The following KCNQ1 variants were observed in gnomAD, a reference collection of about 807,000 sequenced individuals.
KCNQ1 encodes the protein potassium voltage-gated channel subfamily KQT member 1.
A neutral mutation model predicts 72.4 loss-of-function variants in KCNQ1; 49 were observed. The ratio of observed to expected loss-of-function variants is 0.68; its 90% confidence interval spans 0.54 to 0.86. The LOEUF (loss-of-function observed/expected upper bound fraction) is 0.86. Ranked by LOEUF, KCNQ1 falls within the 40% of genes least tolerant of loss-of-function variation. KCNQ1 has a pLI of 0.00. For missense variants in KCNQ1, 790 were observed against 945.1 expected, an observed-to-expected ratio of 0.84 and a Z score of 2.15; for synonymous variants, 450 against 412.6, an observed-to-expected ratio of 1.09 and a Z score of -1.10.
Position 2,668,606 on chromosome 11 carries a change from C to CTGTTTTATGTTT in KCNQ1, c.1514+6526_1514+6527insGTTTTATGTTTT. ...AGATACATCATTCTGTATAAATTGC[C>CTGTTTTATGTTT]TACATCTTCTGCCTGTTTTATGTTT... On this transcript the variant is annotated intron_variant, in intron 11 of 15. Coordinates refer to ENST00000155840, the MANE Select transcript of KCNQ1 (RefSeq NM_000218.3). This position sits in a 1 kb window ranked among gnomAD's most constrained non-coding sequence, Gnocchi z 4.3. 1 of 398,578 alleles carries CTGTTTTATGTTT rather than the reference C, an allele frequency of 2.5e-6. No individual in the cohort carries two copies. Among genetic ancestry groups the CTGTTTTATGTTT allele is most frequent in the Non-Finnish European group, 4.4e-6 (1 of 226,074 alleles). The allele number at this position is 398,578 out of a possible 1,614,324, so 24.7% of individuals were successfully genotyped here. A position where few individuals can be genotyped will look rare whatever the true frequency, so the allele number is the denominator to read the frequency against.
In KCNQ1 at chr11:2,445,168, CG is replaced by C; in HGVS notation, c.72del (p.Arg25GlyfsTer61). On this transcript the variant is annotated frameshift_variant, in exon 1 of 16. Coordinates refer to ENST00000155840, the MANE Select transcript of KCNQ1 (RefSeq NM_000218.3). LOFTEE classifies it high-confidence loss of function. ...RWGWGRLPGA[R>X]RGSAGLAKKC... ...GGGTTGGGGCCGCCTGCCAGGCGCCCGGCGGGGCAGCGCGGGCCTGGCCAAG... is the reference window on the plus strand; with the variant it reads ...GGGTTGGGGCCGCCTGCCAGGCGCCCGCGGGGCAGCGCGGGCCTGGCCAAG... 8.8e-7 allele frequency: 1 copy of C among 1,135,802 alleles called. No individual in the cohort carries two copies. The highest frequency in any genetic ancestry group is 1.1e-6 in the Non-Finnish European group (1 of 923,422). 70.4% of individuals were successfully genotyped at this position (1,135,802 alleles called of 1,614,324 possible).
In KCNQ1 at chr11:2,674,702, G is replaced by C. The variant is rs1850260153; in HGVS notation, c.1514+12621G>C. ...GTTTGTTGAACCTTAAACCTTTCCT[G>C]ATGACTCCTTCCTTCTGAACTTAAC... is the stretch of plus-strand genomic sequence containing the variant. On this transcript the variant is annotated intron_variant, in intron 11 of 15. Coordinates refer to ENST00000155840, the MANE Select transcript of KCNQ1 (RefSeq NM_000218.3). This position sits in a 1 kb window ranked among gnomAD's most constrained non-coding sequence, Gnocchi z 5.9. 2.5e-6 allele frequency: 1 copy of C among 398,328 alleles called. No individual in the cohort carries two copies. The highest frequency in any genetic ancestry group is 2.1e-5 in the African/African-American group (1 of 48,560). 24.7% of individuals were successfully genotyped at this position (398,328 alleles called of 1,614,324 possible). A position where few individuals can be genotyped will look rare whatever the true frequency, so the allele number is the denominator to read the frequency against.
intron 1 of KCNQ1, among the ~76,000 whole-genome samples, chr11:2,469,058 G>C (rs866570647): frequency 5.3e-5 from 8 of 152,134 alleles, no homozygotes; most frequent in Non-Finnish European, 5.9e-5. Context: ...TAGTTCCTCT[G>C]TCTCCTTGTC....
At position 2,816,583 on chromosome 11, in the gene KCNQ1, C is replaced by A. The variant is rs1847618068; in HGVS notation, c.1795-31184C>A. ...CAGCCACCCTGTGGTGAAGCCACAC[C>A]ACATATGATGAGGGGCTGGAGGCAG... On this transcript the variant is annotated intron_variant, in intron 15 of 15. Coordinates refer to ENST00000155840, the MANE Select transcript of KCNQ1 (RefSeq NM_000218.3). This position sits in a 1 kb window ranked among gnomAD's most constrained non-coding sequence, Gnocchi z 6.8. Among the ~76,000 whole-genome samples, 1 of 152,140 alleles carries A rather than the reference C, an allele frequency of 6.6e-6. No individual in the cohort carries two copies. The highest frequency in any genetic ancestry group is 2.4e-5 in the African/African-American group (1 of 41,434).
chr11:2,776,146 G>A, intron 13 of KCNQ1, 92 bp downstream of exon 13: 1 of 1,115,226 alleles, frequency 9.0e-7, no homozygotes, highest in Non-Finnish European at 1.3e-6. Flanking sequence ...GGAGGGAGGG[G>A]CTGAGACCCT....
chr11:2,782,340 C>T lies in KCNQ1; in HGVS notation c.1794+4303C>T, dbSNP rs1433089207. Among the ~76,000 whole-genome samples the T allele has an allele frequency of 6.6e-6, 1 of 152,196 alleles. No homozygotes were observed. Among genetic ancestry groups the T allele is most frequent in the Admixed American group, 6.5e-5 (1 of 15,290 alleles). ...TTAAACACTGCTGAAATCTCACTTA[C>T]TAATATTTAATATATCAGAATTTTT... On this transcript the variant is annotated intron_variant, in intron 15 of 15. Transcript: ENST00000155840. This position sits in a 1 kb window ranked among gnomAD's most constrained non-coding sequence, Gnocchi z 6.1.
In KCNQ1 at chr11:2,587,600, C is replaced by A. The variant is rs1235054708; in HGVS notation, c.1159C>A (p.Pro387Thr). Reference sequence around the variant, plus strand: ...ATGGAGGTGCTATGCTGCCGAGAACCCCGACTCCTCCACCTGGAAGATCTA... The same window carrying A: ...ATGGAGGTGCTATGCTGCCGAGAACACCGACTCCTCCACCTGGAAGATCTA... ...TAWRCYAAENPDSSTWKIYIR... is the reference protein window; with the variant it reads ...TAWRCYAAENTDSSTWKIYIR... The change falls in exon 9 of 16, where the codon CCC (proline) becomes ACC (threonine). Residue 387 changes from proline (P) to threonine (T), a missense_variant. Physicochemically the swap from Pro to Thr is conservative, Grantham distance 38. Around this residue, in one of 5 missense-constraint regions of KCNQ1, gnomAD observed 178 missense variants for 177.9 expected, o/e 1.00. Transcript: ENST00000155840. The A allele has an allele frequency of 6.2e-7, 1 of 1,613,888 alleles. No homozygotes were observed. The highest frequency in any genetic ancestry group is 1.7e-5 in the Admixed American group (1 of 60,016).
intron 15 of KCNQ1, among the ~76,000 whole-genome samples, chr11:2,847,000 C>T (rs1282625869): frequency 6.6e-6 from 1 of 152,242 alleles, no homozygotes; most frequent in Non-Finnish European, 1.5e-5. Flanking sequence ...GGGCACTGCT[C>T]TGACCACAGA....
Position 2,815,019 on chromosome 11 carries a change from G to A in KCNQ1, c.1795-32748G>A, listed in dbSNP as rs760698641. On this transcript the variant is annotated intron_variant, in intron 15 of 15. Transcript: ENST00000155840. The surrounding 1 kb of genome is among the most constrained non-coding windows in gnomAD (Gnocchi z 5.4). ...TGCACACACAGCTTTCCTCATCCCG[G>A]CCTCATGCACTGTGGGCAGGAGTTG... 3.2e-4 allele frequency among the ~76,000 whole-genome samples: 48 copies of A among 152,228 alleles called. No individual in the cohort carries two copies. Among genetic ancestry groups the A allele is most frequent in the Admixed American group, 5.9e-4 (9 of 15,288 alleles).
chr11:2,618,738 A>G (rs1849113936), intron 10 of KCNQ1: 6 of 398,374 alleles, frequency 1.5e-5, no homozygotes, highest in Non-Finnish European at 2.7e-5. Flanking sequence ...TGGGATTTTG[A>G]TAGGGATTTT....
At position 2,478,544 on chromosome 11, in the gene KCNQ1, C is replaced by T. The variant is rs1846607037; in HGVS notation, c.386+33060C>T. On this transcript the variant is annotated intron_variant, in intron 1 of 15. Transcript: ENST00000155840. This position sits in a 1 kb window ranked among gnomAD's most constrained non-coding sequence, Gnocchi z 4.0. The stretch of plus-strand genomic sequence containing the variant: ...GTTTCCCCTTATAAAACCATCAGAT[C>T]TCGTGAGACTTATTCATTACCATGA... Among the ~76,000 whole-genome samples, 1 of 152,116 alleles carries T rather than the reference C, an allele frequency of 6.6e-6. No individual in the cohort carries two copies. Among genetic ancestry groups the T allele is most frequent in the Admixed American group, 6.5e-5 (1 of 15,272 alleles).
In KCNQ1 at chr11:2,818,272, T is replaced by A. The variant is rs1847660065; in HGVS notation, c.1795-29495T>A. Among the ~76,000 whole-genome samples, 1 of 152,130 alleles carries A rather than the reference T, an allele frequency of 6.6e-6. No individual in the cohort carries two copies. The highest frequency in any genetic ancestry group is 1.5e-5 in the Non-Finnish European group (1 of 68,002). ...GCGTCCTTGTGCCCTTGTCACCCAC[T>A]CCTGTGGGTACACAGCTTCCCTTTC... On this transcript the variant is annotated intron_variant, in intron 15 of 15. Coordinates refer to ENST00000155840, the MANE Select transcript of KCNQ1 (RefSeq NM_000218.3). This position sits in a 1 kb window ranked among gnomAD's most constrained non-coding sequence, Gnocchi z 7.2.
rs915644136 is a variant in KCNQ1, at chr11:2,543,529, C to T, written c.477+15511C>T. On this transcript the variant is annotated intron_variant, in intron 2 of 15. Transcript: ENST00000155840. The surrounding 1 kb of genome is among the most constrained non-coding windows in gnomAD (Gnocchi z 5.6). ...CCTCAAGCGATCCCCTTGCCTCGGC[C>T]TCCCAAAGCGCTGGAATTACAGGTG... Among the ~76,000 whole-genome samples the T allele has an allele frequency of 3.9e-5, 6 of 152,184 alleles. No individual in the cohort carries two copies. The highest frequency in any genetic ancestry group is 1.4e-4 in the African/African-American group (6 of 41,444).
chr11:2,527,917 C>T lies in KCNQ1; in HGVS notation c.387-11C>T. On this transcript the variant is annotated splice_polypyrimidine_tract_variant and intron_variant, in intron 1 of 15. Coordinates refer to ENST00000155840, the MANE Select transcript of KCNQ1 (RefSeq NM_000218.3). ...GGCCGTGATGCTGACTGCCGTGTCC[C>T]TGTCTTGCAGCTTCCTCATCGTCCT... The T allele has an allele frequency of 6.2e-7, 1 of 1,613,440 alleles. No homozygotes were observed. Among genetic ancestry groups the T allele is most frequent in the Non-Finnish European group, 8.5e-7 (1 of 1,179,462 alleles).
At chr11:2,535,095 T>C (rs2133665046) in intron 2 of KCNQ1, among the ~76,000 whole-genome samples, 1 of 152,334 alleles carries the variant, frequency 6.6e-6, no homozygotes, top group Admixed American at 6.5e-5. Flanking sequence ...CACTGCCCCA[T>C]GAGCCTGTAG....
Position 2,620,538 on chromosome 11 carries a change from G to T in KCNQ1, c.1393+31684G>T. On this transcript the variant is annotated intron_variant, in intron 10 of 15. Coordinates refer to ENST00000155840, the MANE Select transcript of KCNQ1 (RefSeq NM_000218.3). The surrounding 1 kb of genome is among the most constrained non-coding windows in gnomAD (Gnocchi z 4.5). ...GCCGAATTCATTCATTTTTATGGCT[G>T]CATAGTATTCCATGGTGTACATGTA... 2.5e-6 allele frequency: 1 copy of T among 393,948 alleles called. No individual in the cohort carries two copies. Among genetic ancestry groups the T allele is most frequent in the Non-Finnish European group, 4.5e-6 (1 of 223,698 alleles). The allele number at this position is 393,948 out of a possible 1,614,324, so 24.4% of individuals were successfully genotyped here. A position where few individuals can be genotyped will look rare whatever the true frequency, so the allele number is the denominator to read the frequency against.
rs1590103470 is a variant in KCNQ1 at position 2,809,486 on chromosome 11, G to A, written c.1794+31449G>A. ...TTTGTGATACTTGTGCACAGCTTGG[G>A]GGCTCTGCTTCCCTCTGTTTGTTCG... On this transcript the variant is annotated intron_variant, in intron 15 of 15. Coordinates refer to ENST00000155840, the MANE Select transcript of KCNQ1 (RefSeq NM_000218.3). This position sits in a 1 kb window ranked among gnomAD's most constrained non-coding sequence, Gnocchi z 7.1. Among the ~76,000 whole-genome samples the A allele has an allele frequency of 6.6e-6, 1 of 152,144 alleles. No individual in the cohort carries two copies. The highest frequency in any genetic ancestry group is 2.4e-5 in the African/African-American group (1 of 41,414).
chr11:2,576,311 C>T (rs543062150), intron 6 of KCNQ1, among the ~76,000 whole-genome samples: 53 of 152,312 alleles, frequency 3.5e-4, no homozygotes, highest in Non-Finnish European at 6.6e-4. Context: ...GGTGGGGATA[C>T]GCAACTTGGA....
intron 1 of KCNQ1, among the ~76,000 whole-genome samples, chr11:2,514,035 A>C (rs1847249995): frequency 6.6e-6 from 1 of 152,086 alleles, no homozygotes; most frequent in Non-Finnish European, 1.5e-5. Context: ...CTTTGTCTCC[A>C]TTTGGGGGGT....
Sources: allele counts gnomAD v4.1 joint callset (sites outside exome capture counted in the v4.1 genomes callset), GRCh38; gene constraint gnomAD v4.1.1; regional missense constraint gnomAD v4.1.1; non-coding constraint Gnocchi (gnomAD v3.1); transcripts MANE v1.5; gene names NCBI Gene and HGNC (gene_info 2026-07-23, HGNC 2026-07-21).